WWC2: variants seen among roughly 807,000 people sequenced by gnomAD.
The protein encoded by WWC2 is WW and C2 domain containing 2.
Under a neutral mutation model 138.5 loss-of-function variants are expected in WWC2, and 101 were observed. The ratio of observed to expected loss-of-function variants is 0.73; its 90% confidence interval spans 0.62 to 0.86. The LOEUF is 0.86. Ranked by LOEUF, WWC2 falls within the 40% of genes least tolerant of loss-of-function variation. The probability of loss-of-function intolerance (pLI) is 0.00; values close to 1 mark genes in which losing one functional copy is unlikely to be tolerated. For synonymous variants in WWC2, 558 were observed against 538.4 expected, an observed-to-expected ratio of 1.04 and a Z score of -0.50; for missense variants, 1,420 against 1,419.4, an observed-to-expected ratio of 1.00 and a Z score of -0.01.
At position 183,260,890 on chromosome 4, in the gene WWC2, G is replaced by T. The variant is rs1244126544; in HGVS notation, c.1287-20G>T. 5 of 1,610,766 alleles carry T rather than the reference G, an allele frequency of 3.1e-6. No homozygotes were observed. The highest frequency in any genetic ancestry group is 3.4e-6 in the Non-Finnish European group (4 of 1,178,862). Reference sequence around the variant, plus strand: ...TCCATTTTGTAACAGATTTTATGGTGTGTGCTTTTTGTCTTTCAGCCTCTC... The same window carrying T: ...TCCATTTTGTAACAGATTTTATGGTTTGTGCTTTTTGTCTTTCAGCCTCTC... On this transcript the variant is annotated intron_variant, in intron 10 of 22. Coordinates refer to ENST00000403733, the MANE Select transcript of WWC2 (RefSeq NM_024949.6).
At chr4:183,116,817 T>C (rs1010107047) in intron 1 of WWC2, among the ~76,000 whole-genome samples, 1 of 152,260 alleles carries the variant, frequency 6.6e-6, no homozygotes, top group Non-Finnish European at 1.5e-5. Context: ...GGTTATAGGC[T>C]CTGTTTAGTT....
chr4:183,283,709 T>A (rs1019722135), intron 18 of WWC2, among the ~76,000 whole-genome samples: 2 of 152,240 alleles, frequency 1.3e-5, no homozygotes, highest in Admixed American at 6.5e-5. Context: ...AAAATACAAC[T>A]CAGCTTCACA....
intron 1 of WWC2, among the ~76,000 whole-genome samples, chr4:183,127,676 A>G (rs888348632): frequency 6.6e-6 from 1 of 152,332 alleles, no homozygotes; most frequent in South Asian, 2.1e-4. Flanking sequence ...ATAACTATGC[A>G]AGATAATAGA....
At chr4:183,230,483 C>T (rs900811764) in intron 4 of WWC2, among the ~76,000 whole-genome samples, 1 of 152,210 alleles carries the variant, frequency 6.6e-6, no homozygotes, top group Non-Finnish European at 1.5e-5. Flanking sequence ...TCGAGACCGG[C>T]CTGACCAATA....
In WWC2 at chr4:183,281,269, G is replaced by T. The variant is rs144274233; in HGVS notation, c.2684+372G>T. 169 of 283,252 alleles carry T rather than the reference G, an allele frequency of 6.0e-4. 1 individual carries two copies. The highest frequency in any genetic ancestry group is 3.2e-3 in the African/African-American group (149 of 46,032). 17.5% of individuals were successfully genotyped at this position (283,252 alleles called of 1,614,324 possible). A position where few individuals can be genotyped will look rare whatever the true frequency, so the allele number is the denominator to read the frequency against. ...TTAACTACCTGGAAGTACCATTTAG[G>T]CTCTAGTAAGACAAAGCAGGTATTT... On this transcript the variant is annotated intron_variant, in intron 17 of 22. Transcript: ENST00000403733.
intron 4 of WWC2, among the ~76,000 whole-genome samples, chr4:183,218,769 G>A (rs1041998833): frequency 6.6e-6 from 1 of 151,932 alleles, no homozygotes; most frequent in African/African-American, 2.4e-5. Context: ...ATTCCTACTA[G>A]GTTAGAGAGG....
chr4:183,244,239 A>C (rs970522377), intron 5 of WWC2, among the ~76,000 whole-genome samples: 1 of 152,140 alleles, frequency 6.6e-6, no homozygotes, highest in Non-Finnish European at 1.5e-5. Flanking sequence ...TGAATCCCAG[A>C]TAGCACAGGC....
rs1487115011 is a variant in WWC2 at position 183,151,542 on chromosome 4, A to T, written c.132-42057A>T. On this transcript the variant is annotated intron_variant, in intron 1 of 22. Coordinates refer to ENST00000403733, the MANE Select transcript of WWC2 (RefSeq NM_024949.6). The stretch of plus-strand genomic sequence containing the variant: ...TTGCTGTGCAGAAGCTCTTTAGTTT[A>T]GTTAGATCCCGTTTGTCAATTTTGG... Among the ~76,000 whole-genome samples, 8 of 152,232 alleles carry T rather than the reference A, an allele frequency of 5.3e-5. 1 individual carries two copies. The East Asian group carries it at 1.5e-3, about 29-fold the overall frequency.
In WWC2 at chr4:183,240,220, A is replaced by G. The variant is rs1424713056; in HGVS notation, c.560A>G (p.Gln187Arg). The G allele has an allele frequency of 3.9e-6, 6 of 1,552,784 alleles. No individual in the cohort carries two copies. The highest frequency in any genetic ancestry group is 5.2e-6 in the Non-Finnish European group (6 of 1,147,966). ...KLKRELSQMK[Q>R]ELLYKEQGFE... Reference sequence around the variant, plus strand: ...AAGAGAGAGCTCTCACAGATGAAGCAGGAACTGCTCTATAAAGAACAAGGC... The same window carrying G: ...AAGAGAGAGCTCTCACAGATGAAGCGGGAACTGCTCTATAAAGAACAAGGC... Residue 187 changes from glutamine (Q) to arginine (R), a missense_variant, in exon 5 of 23, where the codon CAG becomes CGG. Physicochemically the swap from Gln to Arg is conservative, Grantham distance 43. Transcript: ENST00000403733.
intron 21 of WWC2, among the ~76,000 whole-genome samples, chr4:183,308,225 GAACT>G (rs1739086882): frequency 6.6e-6 from 1 of 152,154 alleles, no homozygotes; most frequent in South Asian, 2.1e-4. Flanking sequence ...AATGTAAAAG[GAACT>G]AAATAAATGG....
chr4:183,165,865 A>C (rs1244315400), intron 1 of WWC2, among the ~76,000 whole-genome samples: 1 of 152,232 alleles, frequency 6.6e-6, no homozygotes, highest in African/African-American at 2.4e-5. Context: ...TGTTTAATTC[A>C]TAAGACTTTC....
intron 4 of WWC2, among the ~76,000 whole-genome samples, chr4:183,237,883 A>G (rs539665367): frequency 2.6e-5 from 4 of 151,518 alleles, no homozygotes; most frequent in Admixed American, 6.6e-5. Context: ...TTCCTCTTAC[A>G]TCTCTTGCCA....
intron 1 of WWC2, among the ~76,000 whole-genome samples, chr4:183,149,117 G>C (rs1456154597): frequency 6.6e-6 from 1 of 151,916 alleles, no homozygotes; most frequent in Non-Finnish European, 1.5e-5. Flanking sequence ...AGACAAAGTA[G>C]TATGGCTTTA....
intron 4 of WWC2, among the ~76,000 whole-genome samples, chr4:183,216,368 T>G (rs769812593): frequency 1.3e-5 from 2 of 152,182 alleles, no homozygotes; most frequent in African/African-American, 2.4e-5. Flanking sequence ...GATGACAATT[T>G]TAGATGTGTC....
At chr4:183,102,886 T>A (rs1346935692) in intron 1 of WWC2, among the ~76,000 whole-genome samples, 15 of 151,208 alleles carry the variant, frequency 9.9e-5, no homozygotes, top group East Asian at 7.8e-4. Flanking sequence ...TTTTTTTTTT[T>A]AATTACATTC....
intron 20 of WWC2, 62 bp from the exon 21 acceptor site, chr4:183,289,331 G>A: frequency 6.4e-7 from 1 of 1,560,612 alleles, no homozygotes; most frequent in Non-Finnish European, 8.7e-7. Context: ...GGAAGGAGGG[G>A]AAGTGGGGTA....
At chr4:183,284,628 C>T (rs1180041597) in intron 19 of WWC2, among the ~76,000 whole-genome samples, 3 of 152,144 alleles carry the variant, frequency 2.0e-5, no homozygotes, top group South Asian at 4.1e-4. Context: ...GGCAAGTAAG[C>T]GAAGTTTAAG....
At chr4:183,230,771 A>C (rs1019522244) in intron 4 of WWC2, among the ~76,000 whole-genome samples, 7 of 152,128 alleles carry the variant, frequency 4.6e-5, no homozygotes, top group African/African-American at 1.5e-4. Flanking sequence ...AAATTGACAT[A>C]TCTCTCAGCA....
At chr4:183,124,152 T>C (rs1404665244) in intron 1 of WWC2, among the ~76,000 whole-genome samples, 1 of 152,240 alleles carries the variant, frequency 6.6e-6, no homozygotes, top group African/African-American at 2.4e-5. Flanking sequence ...CTGTTAGTTA[T>C]CTATTTGGTA....
Sources: gnomAD v4.1 joint callset for allele counts (sites outside exome capture counted in the v4.1 genomes callset) on GRCh38, gnomAD v4.1.1 for gene constraint, MANE v1.5 for transcripts, NCBI Gene and HGNC (gene_info 2026-07-23, HGNC 2026-07-21) for gene names.